The following KLF12 variants were observed in gnomAD, a reference collection of about 807,000 sequenced individuals.
KLF12 encodes Krueppel-like factor 12.
KLF12 carries 9 observed loss-of-function variants against 37.8 expected under a neutral mutation model. The observed-to-expected ratio is 0.24, with a 90% confidence interval of 0.14 to 0.42. The LOEUF is 0.42. Among genes scored for constraint, KLF12 ranks in the 10% least tolerant of loss-of-function variants. The pLI, the probability that KLF12 is intolerant of heterozygous loss-of-function variation, is 1.00. For missense variants in KLF12, 411 were observed against 516.0 expected (o/e 0.80, Z 1.97); for synonymous variants, 208 against 202.1 (o/e 1.03, Z -0.25).
At chr13:73,743,577 T>C (rs1050141424) in intron 6 of KLF12, among the ~76,000 whole-genome samples, 1 of 152,118 alleles carries the variant, frequency 6.6e-6, no homozygotes, top group Non-Finnish European at 1.5e-5. Context: ...AAAAAAACGT[T>C]CTCCCATTCA....
At chr13:74,148,907 C>T in the KLF12 span, among the ~76,000 whole-genome samples, 5 of 152,166 alleles carry the variant, frequency 3.3e-5, no homozygotes, top group East Asian at 1.9e-4. Flanking sequence ...CTCCGCCTCC[C>T]GGGTTCAGGC....
chr13:74,020,763 T>C (rs903706068), intron 1 of KLF12, among the ~76,000 whole-genome samples: 13 of 151,932 alleles, frequency 8.6e-5, no homozygotes, highest in Non-Finnish European at 1.8e-4. Flanking sequence ...TGATGGCGTG[T>C]GCCTGTAGTC....
At position 74,060,098 on chromosome 13, in the gene KLF12, A is replaced by G. The variant is rs140845860; in HGVS notation, c.-31-65045T>C. Reference sequence around the variant, plus strand: ...ATGTGGCTTGATTTCTGGGTTCTCTATTTTTCTCTATTGATCTATGCATCT... The same window carrying G: ...ATGTGGCTTGATTTCTGGGTTCTCTGTTTTTCTCTATTGATCTATGCATCT... On this transcript the variant is annotated intron_variant, in intron 1 of 7. Transcript: ENST00000377669. Among the ~76,000 whole-genome samples, 616 of 151,942 alleles carry G rather than the reference A, an allele frequency of 4.1e-3. 1 individual carries two copies. Among genetic ancestry groups the G allele is most frequent in the African/African-American group, 0.014 (585 of 41,418 alleles).
the KLF12 span, among the ~76,000 whole-genome samples, chr13:74,267,129 C>A: frequency 6.6e-6 from 1 of 152,172 alleles, no homozygotes; most frequent in African/African-American, 2.4e-5. Context: ...ATAGTGAAAA[C>A]TACTGTGTTG....
intron 2 of KLF12, among the ~76,000 whole-genome samples, chr13:73,989,730 A>G (rs9600212): frequency 0.038 from 5,819 of 152,238 alleles, 237 homozygotes; most frequent in African/African-American, 0.1. Flanking sequence ...TATAAAGATA[A>G]GCGATACTCA....
intron 1 of KLF12, among the ~76,000 whole-genome samples, chr13:74,058,091 C>T (rs964673502): frequency 6.6e-6 from 1 of 151,468 alleles, no homozygotes; most frequent in African/African-American, 2.4e-5. Context: ...CGCAGCCTCC[C>T]GGGTAGCTGG....
chr13:74,292,204 T>C, the KLF12 span, among the ~76,000 whole-genome samples: 2 of 152,210 alleles, frequency 1.3e-5, no homozygotes, highest in East Asian at 3.9e-4. Flanking sequence ...GCTCTCTCTC[T>C]AGTAACAGCA....
chr13:74,111,407 CA>C (rs1407846843), intron 1 of KLF12, among the ~76,000 whole-genome samples: 1 of 151,766 alleles, frequency 6.6e-6, no homozygotes, highest in Non-Finnish European at 1.5e-5. Context: ...TTGTTGACAT[CA>C]AAAATGAATC....
chr13:74,105,118 G>A (rs1400321620), intron 1 of KLF12, among the ~76,000 whole-genome samples: 1 of 152,070 alleles, frequency 6.6e-6, no homozygotes, highest in African/African-American at 2.4e-5. Context: ...TGTTCTTTTA[G>A]TAAATAAAAC....
chr13:74,064,135 T>TC (rs1873769414), intron 1 of KLF12, among the ~76,000 whole-genome samples: 1 of 152,180 alleles, frequency 6.6e-6, no homozygotes, highest in Admixed American at 6.5e-5. Flanking sequence ...TTCCTCTCAC[T>TC]ATCTGTCCAT....
At chr13:73,922,966 A>G (rs188218177) in intron 3 of KLF12, among the ~76,000 whole-genome samples, 1 of 152,168 alleles carries the variant, frequency 6.6e-6, no homozygotes, top group African/African-American at 2.4e-5. Context: ...TTCCGCCACA[A>G]ATTCGAAATC....
At chr13:73,756,285 T>C (rs1210847566) in intron 6 of KLF12, among the ~76,000 whole-genome samples, 1 of 152,226 alleles carries the variant, frequency 6.6e-6, no homozygotes, top group Non-Finnish European at 1.5e-5. Flanking sequence ...CTCTGTTTTC[T>C]GCCTATCGTA....
chr13:74,009,204 C>G (rs944323521), intron 1 of KLF12, among the ~76,000 whole-genome samples: 1 of 152,166 alleles, frequency 6.6e-6, no homozygotes, highest in Non-Finnish European at 1.5e-5. Context: ...ATCACAGCCA[C>G]TTGGAATGCT....
chr13:74,049,570 G>T (rs556300096), intron 1 of KLF12, among the ~76,000 whole-genome samples: 2 of 152,242 alleles, frequency 1.3e-5, no homozygotes, highest in South Asian at 4.1e-4. Context: ...AATGTTCTTA[G>T]AAATTAAAAA....
intron 1 of KLF12, among the ~76,000 whole-genome samples, chr13:74,114,579 A>T (rs1877174831): frequency 6.6e-6 from 1 of 152,168 alleles, no homozygotes; most frequent in African/African-American, 2.4e-5. Context: ...GAGTCAGAAG[A>T]TTAATGGATG....
chr13:74,101,639 T>C (rs1305392433), intron 1 of KLF12, among the ~76,000 whole-genome samples: 3 of 152,174 alleles, frequency 2.0e-5, no homozygotes, highest in African/African-American at 4.8e-5. Context: ...AAGGAAGTGC[T>C]GAAAGACTAA....
chr13:74,294,702 G>T, the KLF12 span, among the ~76,000 whole-genome samples: 1 of 152,076 alleles, frequency 6.6e-6, no homozygotes, highest in African/African-American at 2.4e-5. Context: ...TGTGTTAAGA[G>T]ATTTTGTTCT....
chr13:74,151,634 T>C, the KLF12 span, among the ~76,000 whole-genome samples: 6 of 150,376 alleles, frequency 4.0e-5, no homozygotes. Context: ...GCCTGGGTGA[T>C]GGAGTGAGAC....
chr13:74,155,818 G>A, the KLF12 span, among the ~76,000 whole-genome samples: 1 of 152,242 alleles, frequency 6.6e-6, no homozygotes, highest in African/African-American at 2.4e-5. Flanking sequence ...TCTGTGTTGA[G>A]AGGAGTGCTG....
Sources: gnomAD v4.1 joint callset for allele counts (sites outside exome capture counted in the v4.1 genomes callset) on GRCh38, gnomAD v4.1.1 for gene constraint, MANE v1.5 for transcripts, NCBI Gene and HGNC (gene_info 2026-07-23, HGNC 2026-07-21) for gene names.